CCDC73: variants seen among roughly 807,000 people sequenced by gnomAD.
CCDC73 encodes coiled-coil domain-containing protein 73.
In CCDC73, 95 loss-of-function variants were observed where a neutral mutation model predicts 116.5. The ratio of observed to expected loss-of-function variants is 0.82; its 90% CI spans 0.69 to 0.97. CCDC73 has a LOEUF of 0.97. CCDC73 is among the 50% of genes least tolerant of loss of function. CCDC73 has a pLI of 0.00. For missense variants in CCDC73, 1,066 were observed against 1,206.8 expected (o/e 0.88, Z 1.73); for synonymous variants, 398 against 401.3 (o/e 0.99, Z 0.10).
intron 3 of CCDC73, among the ~76,000 whole-genome samples, chr11:32,708,089 G>GAC (rs1369872473): frequency 6.6e-6 from 1 of 152,134 alleles, no homozygotes; most frequent in Non-Finnish European, 1.5e-5. Context: ...GTTAAGGTGA[G>GAC]AGATGAGGTT....
chr11:32,813,026 A>G, the CCDC73 span, among the ~76,000 whole-genome samples: 1 of 152,142 alleles, frequency 6.6e-6, no homozygotes, highest in Non-Finnish European at 1.5e-5. Flanking sequence ...GGCCATTCTG[A>G]ATTTTCCTCT....
At chr11:32,824,761 C>G in the CCDC73 span, among the ~76,000 whole-genome samples, 7 of 152,120 alleles carry the variant, frequency 4.6e-5, no homozygotes, top group Admixed American at 4.6e-4. Context: ...TAAAAGAAAC[C>G]ACGCTTTAAA....
At chr11:32,622,729 G>C (rs79496805) in intron 14 of CCDC73, among the ~76,000 whole-genome samples, 6 of 141,200 alleles carry the variant, frequency 4.2e-5, no homozygotes, top group African/African-American at 7.5e-5. Flanking sequence ...TGGGCGGGGT[G>C]GGGGGGAATG....
intron 1 of CCDC73, chr11:32,794,410 C>T (rs1266012787): frequency 6.6e-6 from 1 of 152,302 alleles, no homozygotes; most frequent in East Asian, 1.9e-4. Context: ...GCTGCTTCTC[C>T]TGGGTCGGGA....
intron 1 of CCDC73, among the ~76,000 whole-genome samples, chr11:32,779,076 T>C (rs1384838097): frequency 1.3e-5 from 2 of 152,144 alleles, no homozygotes; most frequent in Non-Finnish European, 2.9e-5. Flanking sequence ...AGTATTCATG[T>C]TCCATGAATA....
intron 2 of CCDC73, among the ~76,000 whole-genome samples, chr11:32,751,665 G>A (rs912198700): frequency 5.9e-5 from 9 of 152,178 alleles, no homozygotes; most frequent in Non-Finnish European, 1.3e-4. Flanking sequence ...GCTGGGGGAG[G>A]GGTGGAGTTG....
intron 1 of CCDC73, among the ~76,000 whole-genome samples, chr11:32,762,733 T>C (rs1850402737): frequency 6.6e-6 from 1 of 152,058 alleles, no homozygotes; most frequent in South Asian, 2.1e-4. Context: ...AGGTACTGGG[T>C]TCATCTCACT....
intron 7 of CCDC73, 39 bp downstream of exon 7, chr11:32,683,497 A>G: frequency 7.5e-7 from 1 of 1,329,386 alleles, no homozygotes; most frequent in South Asian, 1.2e-5. Flanking sequence ...CCTAAGTACT[A>G]ATCCAGATGG....
At chr11:32,744,690 T>C (rs967274134) in intron 2 of CCDC73, among the ~76,000 whole-genome samples, 1 of 152,232 alleles carries the variant, frequency 6.6e-6, no homozygotes, top group Non-Finnish European at 1.5e-5. Context: ...CTAGTTTATA[T>C]GCGTATAGGT....
rs114070546 is a variant in CCDC73 at position 32,742,404 on chromosome 11, C to T, written c.135+17705G>A. Among the ~76,000 whole-genome samples the T allele has an allele frequency of 3.5e-3, 540 of 152,280 alleles. 6 individuals are homozygous for T. Among genetic ancestry groups the T allele is most frequent in the African/African-American group, 0.013 (521 of 41,562 alleles). On this transcript the variant is annotated intron_variant, in intron 2 of 17. Transcript: ENST00000335185. ...CTTTGATTTGCATTTCTCTAATGAC[C>T]AGCAATGATGAGCATATTTTCACAG...
intron 14 of CCDC73, among the ~76,000 whole-genome samples, chr11:32,621,136 T>C (rs1855519669): frequency 6.6e-6 from 1 of 152,118 alleles, no homozygotes; most frequent in Non-Finnish European, 1.5e-5. Flanking sequence ...CCCATCAAAC[T>C]ACCACTGACT....
At chr11:32,797,200 T>C (rs1460211070), upstream of CCDC73, among the ~76,000 whole-genome samples, 1 of 152,098 alleles carries the variant, frequency 6.6e-6, no homozygotes, top group Non-Finnish European at 1.5e-5. Flanking sequence ...TAGTCCCAGT[T>C]GCTTTGGAGG....
At chr11:32,610,182 T>C (rs967276961) in intron 17 of CCDC73, among the ~76,000 whole-genome samples, 5 of 152,136 alleles carry the variant, frequency 3.3e-5, no homozygotes, top group African/African-American at 4.8e-5. Context: ...TTGTGGGATT[T>C]ATTCACTGTC....
chr11:32,665,292 T>A (rs1373519267), intron 9 of CCDC73, among the ~76,000 whole-genome samples: 2 of 152,214 alleles, frequency 1.3e-5, no homozygotes, highest in African/African-American at 4.8e-5. Flanking sequence ...TGTGGGAGTC[T>A]AAGTCTCTTT....
chr11:32,760,320 G>T (rs1028496096), intron 1 of CCDC73, 62 bp from the exon 2 acceptor site: 4 of 972,408 alleles, frequency 4.1e-6, no homozygotes, highest in Non-Finnish European at 6.2e-6. Flanking sequence ...TAAAAGCATA[G>T]TTACCATAAA....
At chr11:32,810,140 A>T in the CCDC73 span, among the ~76,000 whole-genome samples, 2 of 152,228 alleles carry the variant, frequency 1.3e-5, no homozygotes, top group African/African-American at 4.8e-5. Context: ...AGGGGAAGAA[A>T]GATGCATAGA....
intron 2 of CCDC73, among the ~76,000 whole-genome samples, chr11:32,755,908 T>TCTATCTCC (rs1231087751): frequency 1.5e-5 from 1 of 66,784 alleles, no homozygotes. Context: ...TATATCTATA[T>TCTATCTCC]ATATCTCCAT....
At chr11:32,717,329 T>C (rs1397961382) in intron 3 of CCDC73, among the ~76,000 whole-genome samples, 1 of 152,242 alleles carries the variant, frequency 6.6e-6, no homozygotes, top group East Asian at 1.9e-4. Flanking sequence ...AAATAAGAGC[T>C]GCTACTATTT....
At chr11:32,611,101 G>C in intron 17 of CCDC73, 31 bp downstream of exon 17, 1 of 1,610,586 alleles carries the variant, frequency 6.2e-7, no homozygotes, top group African/African-American at 1.3e-5. Context: ...GCTCACTAAG[G>C]TCTGCTCGGC....
Sources: gnomAD v4.1 joint callset for allele counts (sites outside exome capture counted in the v4.1 genomes callset) on GRCh38, gnomAD v4.1.1 for gene constraint, MANE v1.5 for transcripts, NCBI Gene and HGNC (gene_info 2026-07-23, HGNC 2026-07-21) for gene names.